TACC2: variants seen among roughly 807,000 people sequenced by gnomAD.
TACC2 encodes the protein transforming acidic coiled-coil-containing protein 2.
A neutral mutation model predicts 227.3 loss-of-function variants in TACC2; 137 were observed. The observed-to-expected ratio is 0.60, with a 90% CI of 0.52 to 0.69. The LOEUF (loss-of-function observed/expected upper bound fraction) is 0.69. TACC2 is among the 30% of genes least tolerant of loss of function. TACC2 has a pLI of 0.00. For missense variants in TACC2, 3,470 were observed against 3,694.4 expected, an observed-to-expected ratio of 0.94 and a Z score of 1.57; for synonymous variants, 1,523 against 1,487.5, an observed-to-expected ratio of 1.02 and a Z score of -0.55.
chr10:122,075,188 C>CAAAAAAA (rs74264562), intron 3 of TACC2, among the ~76,000 whole-genome samples: 25 of 142,604 alleles, frequency 1.8e-4, no homozygotes, highest in African/African-American at 6.6e-4. Flanking sequence ...ATCTTGCTGC[C>CAAAAAAA]AAAAAAAAAA....
intron 3 of TACC2, among the ~76,000 whole-genome samples, chr10:122,071,978 CTT>C (rs200019377): frequency 0.11 from 11,383 of 101,564 alleles, 348 homozygotes; most frequent in Middle Eastern, 0.15. Context: ...CCCAATAACT[CTT>C]TTTTTTTTTT....
intron 22 of TACC2, 87 bp downstream of exon 22, chr10:122,249,751 CCTGGCCA>C (rs2096214380): frequency 1.8e-5 from 26 of 1,455,980 alleles, no homozygotes; most frequent in Non-Finnish European, 2.4e-5. Context: ...GCTGGGCTTC[CCTGGCCA>C]CTGCTGCTCC....
intron 7 of TACC2, among the ~76,000 whole-genome samples, chr10:122,148,981 C>T (rs1338885331): frequency 1.3e-5 from 2 of 152,250 alleles, no homozygotes; most frequent in Non-Finnish European, 2.9e-5. Context: ...TCCATCGTAG[C>T]CCTCCTGAGG....
intron 5 of TACC2, among the ~76,000 whole-genome samples, chr10:122,107,880 A>AT (rs1412735022): frequency 0.019 from 1,900 of 102,238 alleles, 21 homozygotes; most frequent in Non-Finnish European, 0.023. Context: ...ATATATATAT[A>AT]TTTTTTTTTT....
At chr10:122,252,887 C>A (rs959573241) in intron 22 of TACC2, among the ~76,000 whole-genome samples, 6 of 152,164 alleles carry the variant, frequency 3.9e-5, no homozygotes, top group African/African-American at 1.4e-4. Context: ...GAGTTGTTGA[C>A]CTCAGATGCA....
chr10:122,067,077 T>G (rs925689063), intron 3 of TACC2, among the ~76,000 whole-genome samples: 1 of 152,256 alleles, frequency 6.6e-6, no homozygotes, highest in African/African-American at 2.4e-5. Flanking sequence ...AAAAGAGATT[T>G]AAGTAACAAG....
intron 3 of TACC2, among the ~76,000 whole-genome samples, chr10:122,060,073 G>A (rs11592343): frequency 0.028 from 4,252 of 152,268 alleles, 79 homozygotes; most frequent in Non-Finnish European, 0.042. Flanking sequence ...AGACCTAGGG[G>A]ACCAGGCATT....
At chr10:122,173,191 C>T (rs2093561779) in intron 7 of TACC2, among the ~76,000 whole-genome samples, 1 of 152,156 alleles carries the variant, frequency 6.6e-6, no homozygotes, top group African/African-American at 2.4e-5. Flanking sequence ...CAGACAACCC[C>T]AAAAAGTCCA....
Position 122,254,182 on chromosome 10 carries a change from T to A in TACC2, c.*126T>A. ...CGTATGCACTACTGTATTTCCTTTC[T>A]AAATAAAATTGATTTGATTGTATGC... is the stretch of plus-strand genomic sequence containing the variant. On this transcript the variant is annotated 3_prime_UTR_variant, in exon 23 of 23. Transcript: ENST00000369005. 1.2e-6 allele frequency: 1 copy of A among 803,794 alleles called. No homozygotes were observed. The highest frequency in any genetic ancestry group is 2.2e-6 in the Non-Finnish European group (1 of 454,106). 49.8% of individuals were successfully genotyped at this position (803,794 alleles called of 1,614,324 possible).
chr10:122,127,880 G>A (rs889280397), intron 5 of TACC2, among the ~76,000 whole-genome samples: 5 of 152,154 alleles, frequency 3.3e-5, no homozygotes, highest in African/African-American at 7.2e-5. Context: ...ATATATATGC[G>A]TCTATACACA....
chr10:122,104,687 TTG>T, intron 5 of TACC2, among the ~76,000 whole-genome samples: 1 of 152,218 alleles, frequency 6.6e-6, no homozygotes, highest in East Asian at 1.9e-4. Context: ...TTTTATTTCG[TTG>T]TGTTACTAGT....
chr10:122,107,880 AT>A (rs1412735022), intron 5 of TACC2, among the ~76,000 whole-genome samples: 1,828 of 102,244 alleles, frequency 0.018, 33 homozygotes, highest in African/African-American at 0.052. Flanking sequence ...ATATATATAT[AT>A]TTTTTTTTTC....
chr10:122,139,546 T>C (rs949421239), intron 6 of TACC2, among the ~76,000 whole-genome samples: 1 of 152,252 alleles, frequency 6.6e-6, no homozygotes. Context: ...CAGGCCTCCG[T>C]GGGACTGGCT....
In TACC2 at chr10:122,084,746, G is replaced by A. The variant is rs533321618; in HGVS notation, c.2246G>A (p.Ser749Asn). ...ESTLEIRKMG[S>N]CDGEGLLTSP... ...ACATTGGAAATAAGGAAGATGGGCA[G>A]CTGTGATGGGGAGGGCTTGCTGACG... The change falls in exon 4 of 23, where the codon AGC becomes AAC. Residue 749 changes from serine (S) to asparagine (N), a missense_variant. Around this residue, in one of 10 missense-constraint regions of TACC2, gnomAD observed 1,924 missense variants for 1,978.3 expected, o/e 0.97. Coordinates refer to ENST00000369005, the MANE Select transcript of TACC2 (RefSeq NM_206862.4). 15 of 1,613,678 alleles carry A rather than the reference G, an allele frequency of 9.3e-6. No individual in the cohort carries two copies. In the South Asian group the frequency reaches 1.6e-4, roughly 18 times the overall value.
At chr10:121,999,291 G>A (rs1202051901) in intron 1 of TACC2, among the ~76,000 whole-genome samples, 2 of 152,148 alleles carry the variant, frequency 1.3e-5, no homozygotes, top group Non-Finnish European at 2.9e-5. Context: ...TCATTTTGAG[G>A]AGACATAATT....
chr10:122,225,459 C>G (rs1268480078), intron 12 of TACC2, among the ~76,000 whole-genome samples: 1 of 152,242 alleles, frequency 6.6e-6, no homozygotes, highest in Non-Finnish European at 1.5e-5. Context: ...TCCCCATGCA[C>G]AGGCTTAACT....
Position 122,229,335 on chromosome 10 carries a change from C to T in TACC2, c.7897-11C>T. Reference sequence around the variant, plus strand: ...TTTTTCTTGTGTGTCCTCCTCTCTGCCGGCTTTCAGACAGCTCCCGAGGGC... The same window carrying T: ...TTTTTCTTGTGTGTCCTCCTCTCTGTCGGCTTTCAGACAGCTCCCGAGGGC... On this transcript the variant is annotated splice_polypyrimidine_tract_variant and intron_variant, in intron 14 of 22. Coordinates refer to ENST00000369005, the MANE Select transcript of TACC2 (RefSeq NM_206862.4). The T allele has an allele frequency of 1.2e-6, 2 of 1,613,670 alleles. No individual in the cohort carries two copies. Among genetic ancestry groups the T allele is most frequent in the Non-Finnish European group, 1.7e-6 (2 of 1,179,924 alleles).
At chr10:122,031,872 T>G (rs1472000551) in intron 2 of TACC2, among the ~76,000 whole-genome samples, 1 of 151,914 alleles carries the variant, frequency 6.6e-6, no homozygotes, top group Non-Finnish European at 1.5e-5. Flanking sequence ...ACCTGGCTAA[T>G]TTTTGTACTT....
Position 122,143,657 on chromosome 10 carries a change from G to A in TACC2, c.5785G>A (p.Val1929Ile), listed in dbSNP as rs770450758. 7 of 1,614,188 alleles carry A rather than the reference G, an allele frequency of 4.3e-6. No homozygotes were observed. Among genetic ancestry groups the A allele is most frequent in the Non-Finnish European group, 5.1e-6 (6 of 1,180,028 alleles). ...VSPSAPAGDR[V>I]EASTPSCPDP... ...GCCATCTGCCCCAGCTGGTGACAGA[G>A]TAGAAGCTTCCACTCCCTCCTGCCC... Residue 1929 changes from valine (V) to isoleucine (I), a missense_variant, in exon 7 of 23, where the codon GTA becomes ATA. Coordinates refer to ENST00000369005, the MANE Select transcript of TACC2 (RefSeq NM_206862.4).
Sources: gnomAD v4.1 joint callset for allele counts (sites outside exome capture counted in the v4.1 genomes callset) on GRCh38, gnomAD v4.1.1 for gene constraint, gnomAD v4.1.1 regional missense constraint, MANE v1.5 for transcripts, NCBI Gene and HGNC (gene_info 2026-07-23, HGNC 2026-07-21) for gene names.